The following INTS4 variants were observed in gnomAD, a reference collection of about 807,000 sequenced individuals.
INTS4 encodes integrator complex subunit 4, also known as MSTP093.
Under a neutral mutation model 119.5 loss-of-function variants are expected in INTS4, and 70 were observed. The observed-to-expected ratio is 0.59, with a 90% CI of 0.48 to 0.71. The LOEUF (loss-of-function observed/expected upper bound fraction) is 0.71. INTS4 is among the 30% of genes least tolerant of loss of function. The pLI is 0.00. For synonymous variants in INTS4, 316 were observed against 419.6 expected (o/e 0.75, Z 3.02); for missense variants, 867 against 1,173.2 (o/e 0.74, Z 3.81).
At chr11:77,956,973 C>T (rs11501934) in intron 7 of INTS4, among the ~76,000 whole-genome samples, 29,185 of 151,912 alleles carry the variant, frequency 0.19, 2,853 homozygotes, top group Middle Eastern at 0.23. Flanking sequence ...TCACTTCTGT[C>T]GCCCAGGCTG....
At chr11:77,881,095 AAAC>A (rs1358137743) in intron 22 of INTS4, among the ~76,000 whole-genome samples, 1 of 152,158 alleles carries the variant, frequency 6.6e-6, no homozygotes. Context: ...AGAAGAGAGA[AAAC>A]AAGAAGGAGG....
In INTS4 at chr11:77,909,786, T is replaced by G. The variant is rs536162541; in HGVS notation, c.1923-1976A>C. Among the ~76,000 whole-genome samples, 5 of 152,378 alleles carry G rather than the reference T, an allele frequency of 3.3e-5. No individual in the cohort carries two copies. The East Asian group carries it at 9.6e-4, about 29-fold the overall frequency. On this transcript the variant is annotated intron_variant, in intron 15 of 22. Transcript: ENST00000534064. Reference sequence around the variant, plus strand: ...AATAAAATAGTTGTGCTAGAATTATTGGTGATTTAAAACATTTAGTTTTCA... The same window carrying G: ...AATAAAATAGTTGTGCTAGAATTATGGGTGATTTAAAACATTTAGTTTTCA...
intron 15 of INTS4, among the ~76,000 whole-genome samples, chr11:77,911,437 G>T (rs1448811124): frequency 2.0e-5 from 3 of 152,158 alleles, no homozygotes. Context: ...TCCTCTCCAG[G>T]AAGATTCTGC....
At chr11:77,902,583 C>G (rs966033824) in intron 17 of INTS4, among the ~76,000 whole-genome samples, 1 of 152,192 alleles carries the variant, frequency 6.6e-6, no homozygotes, top group Non-Finnish European at 1.5e-5. Context: ...ACTGCCTCAT[C>G]TCTAAAACAG....
chr11:77,912,046 C>T (rs1953098794), intron 15 of INTS4, among the ~76,000 whole-genome samples: 1 of 152,016 alleles, frequency 6.6e-6, no homozygotes, highest in African/African-American at 2.4e-5. Context: ...ACATCAAACA[C>T]AGATGAGACC....
intron 8 of INTS4, among the ~76,000 whole-genome samples, chr11:77,946,335 A>G (rs1172892220): frequency 6.6e-6 from 1 of 152,208 alleles, no homozygotes; most frequent in Non-Finnish European, 1.5e-5. Flanking sequence ...ACAGAAAAAG[A>G]CTGTTACTAT....
chr11:77,887,358 G>A (rs1344965837), intron 21 of INTS4, among the ~76,000 whole-genome samples: 1 of 152,172 alleles, frequency 6.6e-6, no homozygotes, highest in Non-Finnish European at 1.5e-5. Context: ...AAAGGCCTTT[G>A]ACAAAATTCA....
intron 2 of INTS4, among the ~76,000 whole-genome samples, chr11:77,990,119 T>C (rs1856609763): frequency 6.7e-6 from 1 of 149,454 alleles, no homozygotes; most frequent in Non-Finnish European, 1.5e-5. Context: ...CTCTGGAGGC[T>C]GACGCAGGAG....
intron 6 of INTS4, 79 bp from the exon 7 acceptor site, chr11:77,958,913 G>A (rs1158488469): frequency 1.0e-6 from 1 of 956,968 alleles, no homozygotes; most frequent in Non-Finnish European, 1.7e-6. Context: ...AGTGAAGATA[G>A]GGTGGTTGGA....
At chr11:77,948,624 G>A (rs1468050354) in intron 8 of INTS4, among the ~76,000 whole-genome samples, 4 of 140,022 alleles carry the variant, frequency 2.9e-5, no homozygotes, top group African/African-American at 8.1e-5. Context: ...TCCAGCCTAG[G>A]TGACGGAGTG....
At chr11:77,983,940 T>C (rs1312695141) in intron 2 of INTS4, among the ~76,000 whole-genome samples, 1 of 152,192 alleles carries the variant, frequency 6.6e-6, no homozygotes, top group Non-Finnish European at 1.5e-5. Context: ...AATATGTTCA[T>C]AGCAGCATTA....
intron 16 of INTS4, among the ~76,000 whole-genome samples, chr11:77,905,644 G>T (rs1431812911): frequency 6.6e-6 from 1 of 152,176 alleles, no homozygotes; most frequent in Non-Finnish European, 1.5e-5. Context: ...CTGCATTTGT[G>T]AAAGATAAAA....
chr11:77,903,407 G>C (rs536341411), intron 17 of INTS4, 133 bp downstream of exon 17: 1 of 1,605,350 alleles, frequency 6.2e-7, no homozygotes, highest in Admixed American at 1.7e-5. Context: ...CAAATACAAA[G>C]GGGCAGCTAC....
At position 77,908,882 on chromosome 11, in the gene INTS4, C is replaced by A. The variant is rs138221424; in HGVS notation, c.1923-1072G>T. On this transcript the variant is annotated intron_variant, in intron 15 of 22. Transcript: ENST00000534064. Reference sequence around the variant, plus strand: ...ATGGTAGACACTGTTGGTTGCCTGTCCAGTTAGCCATTCTCCACTTCTTTA... The same window carrying A: ...ATGGTAGACACTGTTGGTTGCCTGTACAGTTAGCCATTCTCCACTTCTTTA... Among the ~76,000 whole-genome samples, 707 of 152,248 alleles carry A rather than the reference C, an allele frequency of 4.6e-3. 3 individuals carry two copies. The highest frequency in any genetic ancestry group is 0.016 in the African/African-American group (684 of 41,540).
intron 18 of INTS4, among the ~76,000 whole-genome samples, chr11:77,895,310 T>G (rs1265232730): frequency 6.6e-6 from 1 of 152,060 alleles, no homozygotes; most frequent in African/African-American, 2.4e-5. Flanking sequence ...AAACAAATAC[T>G]CTTTCCTTAT....
chr11:77,987,889 T>A (rs1030219946), intron 2 of INTS4, among the ~76,000 whole-genome samples: 1 of 151,896 alleles, frequency 6.6e-6, no homozygotes. Flanking sequence ...GGCACAGTGG[T>A]TCATGCCTGT....
intron 4 of INTS4, among the ~76,000 whole-genome samples, chr11:77,970,414 T>C (rs1435830049): frequency 3.9e-5 from 6 of 151,928 alleles, no homozygotes; most frequent in Non-Finnish European, 7.4e-5. Context: ...AAAAAATTCA[T>C]ATACAAACTT....
intron 4 of INTS4, chr11:77,963,290 GCATCAAGGTCAT>G: frequency 5.9e-6 from 2 of 340,018 alleles, no homozygotes; most frequent in Non-Finnish European, 1.1e-5. Context: ...GTCACTTCTT[GCATCAAGGTCAT>G]CATCATTAAG....
At chr11:77,966,282 A>C (rs1162524355) in intron 4 of INTS4, among the ~76,000 whole-genome samples, 1 of 152,174 alleles carries the variant, frequency 6.6e-6, no homozygotes. Flanking sequence ...TTTCTTGTAC[A>C]GAAACTATTT....
Sources: gnomAD v4.1 joint callset for allele counts (sites outside exome capture counted in the v4.1 genomes callset) on GRCh38, gnomAD v4.1.1 for gene constraint, MANE v1.5 for transcripts, NCBI Gene and HGNC (gene_info 2026-07-23, HGNC 2026-07-21) for gene names.